Variants in POLN observed in about 807,000 individuals in gnomAD.
POLN encodes DNA polymerase nu, also known as DNA polymerase N.
In POLN, 108 loss-of-function variants were observed where a neutral mutation model predicts 113.5. The ratio of observed to expected loss-of-function variants is 0.95; its 90% CI spans 0.81 to 1.12. POLN has a LOEUF of 1.12. Among genes scored for constraint, POLN ranks in the 50% most tolerant of loss-of-function variants. The probability of loss-of-function intolerance (pLI) is 0.00; values close to 1 mark genes in which losing one functional copy is unlikely to be tolerated. For synonymous variants in POLN, 386 were observed against 391.5 expected (o/e 0.99, Z 0.17); for missense variants, 1,097 against 1,077.1 (o/e 1.02, Z -0.26).
intron 20 of POLN, chr4:2,089,502 C>T: frequency 1.5e-6 from 2 of 1,342,398 alleles, no homozygotes; most frequent in Admixed American, 2.3e-5. Context: ...GACTTTCACA[C>T]TGGGAAAACT....
In POLN at chr4:2,236,864, AAAT is replaced by A. The variant is rs1165173187; in HGVS notation, c.-13+4653_-13+4655del. Among the ~76,000 whole-genome samples, 13 of 149,572 alleles carry A rather than the reference AAAT, an allele frequency of 8.7e-5. No homozygotes were observed. The South Asian group carries it at 1.9e-3, about 22-fold the overall frequency. ...GGCGACAGAGTGAGACTCCGTCTCC[AAAT>A]AATAATAATAATAATTATAATTATA... On this transcript the variant is annotated intron_variant, in intron 2 of 25. Coordinates refer to ENST00000511885, the MANE Select transcript of POLN (RefSeq NM_181808.4).
chr4:2,220,104 C>T (rs61792598), intron 3 of POLN, among the ~76,000 whole-genome samples: 12,529 of 152,084 alleles, frequency 0.082, 762 homozygotes, highest in African/African-American at 0.16. Flanking sequence ...GCTACAAATT[C>T]GCCTCTCAGC....
chr4:2,111,039 A>G (rs138913831), intron 19 of POLN, among the ~76,000 whole-genome samples: 110,747 of 151,990 alleles, frequency 0.73, 44,982 homozygotes, highest in Non-Finnish European at 0.9. Flanking sequence ...AAGCTTATCC[A>G]CCATGATCAA....
At chr4:2,183,082 T>C (rs912961315) in intron 7 of POLN, among the ~76,000 whole-genome samples, 2 of 152,204 alleles carry the variant, frequency 1.3e-5, no homozygotes, top group African/African-American at 4.8e-5. Flanking sequence ...GGCATCAGTA[T>C]AATACAAACC....
At chr4:2,181,019 T>TA (rs1733126906) in intron 7 of POLN, among the ~76,000 whole-genome samples, 1 of 151,424 alleles carries the variant, frequency 6.6e-6, no homozygotes, top group South Asian at 2.1e-4. Context: ...AGAGAAAATT[T>TA]AAAAAAAGAA....
chr4:2,171,214 C>T (rs1437054338), intron 11 of POLN, 33 bp from the exon 12 acceptor site: 1 of 1,554,856 alleles, frequency 6.4e-7, no homozygotes, highest in Non-Finnish European at 8.8e-7. Flanking sequence ...TAATTTCATT[C>T]ATAGTTTTCA....
chr4:2,241,939 G>A, intron 1 of POLN, 112 bp downstream of exon 1: 1 of 985,520 alleles, frequency 1.0e-6, no homozygotes, highest in Non-Finnish European at 1.2e-6. Flanking sequence ...GCACCTGGAA[G>A]GAGCCCCCAG....
chr4:2,227,390 G>A (rs1471693525), intron 3 of POLN: 4 of 152,184 alleles, frequency 2.6e-5, no homozygotes, highest in Non-Finnish European at 5.9e-5. Flanking sequence ...CTGACACCTG[G>A]AGTCCACCCT....
At chr4:2,142,387 T>C (rs947235786) in intron 16 of POLN, among the ~76,000 whole-genome samples, 1 of 152,246 alleles carries the variant, frequency 6.6e-6, no homozygotes, top group Non-Finnish European at 1.5e-5. Context: ...TTCTCAAAAC[T>C]ACCCCTGTGC....
intron 20 of POLN, 53 bp from the exon 21 acceptor site, chr4:2,085,797 T>G: frequency 1.9e-6 from 3 of 1,606,126 alleles, no homozygotes; most frequent in South Asian, 1.1e-5. Flanking sequence ...GCCGTGACTG[T>G]GTGCATGGGC....
intron 11 of POLN, among the ~76,000 whole-genome samples, chr4:2,172,082 TAAAAGCTAATGATGCTATG>T (rs1002642733): frequency 1.1e-4 from 17 of 152,128 alleles, no homozygotes; most frequent in African/African-American, 4.1e-4. Context: ...AAGAAATTCC[TAAAAGCTAATGATGCTATG>T]AAAAGCTAAT....
At chr4:2,137,777 G>A (rs1020436687) in intron 16 of POLN, among the ~76,000 whole-genome samples, 6 of 151,914 alleles carry the variant, frequency 3.9e-5, no homozygotes, top group Admixed American at 6.6e-5. Context: ...TTCCACATGC[G>A]TATTGGCTGT....
intron 3 of POLN, among the ~76,000 whole-genome samples, chr4:2,225,934 C>G (rs980089468): frequency 4.0e-5 from 6 of 151,654 alleles, no homozygotes; most frequent in African/African-American, 1.5e-4. Context: ...CTGGGAGGTT[C>G]AGGCTGCAAT....
chr4:2,192,321 A>C (rs563355276), intron 7 of POLN, among the ~76,000 whole-genome samples: 2 of 151,884 alleles, frequency 1.3e-5, no homozygotes, highest in Non-Finnish European at 2.9e-5. Flanking sequence ...TATTTTTGCT[A>C]TATTTGTTTT....
At chr4:2,105,900 G>T (rs1731054796) in intron 19 of POLN, among the ~76,000 whole-genome samples, 1 of 151,912 alleles carries the variant, frequency 6.6e-6, no homozygotes, top group South Asian at 2.1e-4. Flanking sequence ...GATGGTCTTG[G>T]CAAGCTCTCC....
chr4:2,225,002 T>C (rs1577785876), intron 3 of POLN, among the ~76,000 whole-genome samples: 1 of 152,138 alleles, frequency 6.6e-6, no homozygotes, highest in African/African-American at 2.4e-5. Context: ...ACAGCTATGA[T>C]GTCACTAGGA....
intron 7 of POLN, among the ~76,000 whole-genome samples, chr4:2,184,254 A>G (rs1733218647): frequency 6.6e-6 from 1 of 151,556 alleles, no homozygotes; most frequent in Non-Finnish European, 1.5e-5. Flanking sequence ...AGACTTTAAA[A>G]AAAAAAAGGA....
At chr4:2,214,185 G>A (rs912726165) in intron 3 of POLN, among the ~76,000 whole-genome samples, 7 of 152,116 alleles carry the variant, frequency 4.6e-5, no homozygotes, top group African/African-American at 7.2e-5. Flanking sequence ...GCAGTGAGCC[G>A]AGATTGCGCC....
intron 16 of POLN, among the ~76,000 whole-genome samples, chr4:2,134,171 C>T (rs1731796145): frequency 6.6e-6 from 1 of 152,138 alleles, no homozygotes; most frequent in South Asian, 2.1e-4. Context: ...TTCATCCATG[C>T]CTTTTTATGG....
Sources: gnomAD v4.1 joint callset for allele counts (sites outside exome capture counted in the v4.1 genomes callset) on GRCh38, gnomAD v4.1.1 for gene constraint, MANE v1.5 for transcripts, NCBI Gene and HGNC (gene_info 2026-07-23, HGNC 2026-07-21) for gene names.